Variants in INPP4B observed in about 807,000 individuals in gnomAD.
The protein encoded by INPP4B is inositol polyphosphate 4-phosphatase type II.
In INPP4B, 55 loss-of-function variants were observed where a neutral mutation model predicts 122.5. The ratio of observed to expected loss-of-function variants is 0.45; its 90% CI spans 0.36 to 0.56. INPP4B has a LOEUF of 0.56. Ranked by LOEUF, INPP4B falls within the 20% of genes least tolerant of loss-of-function variation. INPP4B has a pLI of 0.00. For missense variants in INPP4B, 1,000 were observed against 1,097.7 expected, an observed-to-expected ratio of 0.91 and a Z score of 1.26; for synonymous variants, 403 against 388.7, an observed-to-expected ratio of 1.04 and a Z score of -0.43.
chr4:142,270,719 C>T lies in INPP4B; in HGVS notation c.559G>A (p.Gly187Arg), dbSNP rs1259775184. 1.2e-6 allele frequency: 2 copies of T among 1,613,922 alleles called. No individual in the cohort carries two copies. The highest frequency in any genetic ancestry group is 1.3e-5 in the African/African-American group (1 of 74,898). ...GTIEVSVVKM[G>R]EIEDGEADHI... ...TCGGCTTCCCCATCCTCAATCTCCCCCATCTTCACGACACTGACTTCTATG... is the reference window on the plus strand; with the variant it reads ...TCGGCTTCCCCATCCTCAATCTCCCTCATCTTCACGACACTGACTTCTATG... The change falls in exon 10 of 26, where the codon GGG becomes AGG. Residue 187 changes from glycine (G) to arginine (R), a missense_variant. By Grantham distance (125) the Gly-to-Arg change is moderately radical. Transcript: ENST00000262992.
At chr4:142,687,391 T>C (rs1293005084) in intron 2 of INPP4B, among the ~76,000 whole-genome samples, 2 of 151,948 alleles carry the variant, frequency 1.3e-5, no homozygotes, top group African/African-American at 4.8e-5. Flanking sequence ...GGTAACTAAA[T>C]AAGGGTCTGG....
intron 2 of INPP4B, among the ~76,000 whole-genome samples, chr4:142,634,003 C>T (rs994343707): frequency 6.6e-6 from 1 of 151,232 alleles, no homozygotes; most frequent in Non-Finnish European, 1.5e-5. Flanking sequence ...TCCAGCCTGA[C>T]CAACAGAGTA....
At chr4:142,069,656 A>G (rs1223199064) in intron 25 of INPP4B, among the ~76,000 whole-genome samples, 1 of 152,208 alleles carries the variant, frequency 6.6e-6, no homozygotes, top group African/African-American at 2.4e-5. Flanking sequence ...AGGGGATATC[A>G]ACACCTATCC....
intron 2 of INPP4B, among the ~76,000 whole-genome samples, chr4:142,463,744 G>A (rs1262824038): frequency 6.6e-6 from 1 of 151,988 alleles, no homozygotes; most frequent in Admixed American, 6.6e-5. Context: ...AAGATCTTAT[G>A]GTTTTATAAG....
chr4:142,520,544 ATT>A (rs1825952495), intron 2 of INPP4B, among the ~76,000 whole-genome samples: 1 of 151,960 alleles, frequency 6.6e-6, no homozygotes, highest in South Asian at 2.1e-4. Flanking sequence ...TATTTACTTT[ATT>A]TATTATTGTA....
chr4:142,259,882 T>C (rs1000155771), intron 11 of INPP4B, among the ~76,000 whole-genome samples: 4 of 152,302 alleles, frequency 2.6e-5, no homozygotes, highest in African/African-American at 9.6e-5. Flanking sequence ...AAGATGTTAC[T>C]AGGCAATAGA....
chr4:142,750,109 C>T (rs1162887987), intron 1 of INPP4B, among the ~76,000 whole-genome samples: 1 of 151,896 alleles, frequency 6.6e-6, no homozygotes, highest in East Asian at 1.9e-4. Context: ...GAAGCACAAT[C>T]ATTAGACACA....
Position 142,828,445 on chromosome 4 carries a change from T to C in INPP4B, c.-254+17764A>G, listed in dbSNP as rs74330143. On this transcript the variant is annotated intron_variant, in intron 1 of 25. Transcript: ENST00000262992. ...CTGAGAATGAAAAAAATTGATTACC[T>C]TATCTAAAATACTGTACATATAATC... is the stretch of plus-strand genomic sequence containing the variant. 9.6e-3 allele frequency among the ~76,000 whole-genome samples: 1,457 copies of C among 152,244 alleles called. 18 individuals are homozygous for C. Among genetic ancestry groups the C allele is most frequent in the African/African-American group, 0.033 (1,357 of 41,548 alleles).
chr4:142,421,266 C>T (rs1806823835), intron 5 of INPP4B, among the ~76,000 whole-genome samples: 2 of 152,062 alleles, frequency 1.3e-5, no homozygotes, highest in Non-Finnish European at 2.9e-5. Flanking sequence ...CTCAAAAGTA[C>T]TGCTAGTTAT....
At chr4:142,395,090 A>G (rs1798940586) in intron 7 of INPP4B, among the ~76,000 whole-genome samples, 1 of 152,370 alleles carries the variant, frequency 6.6e-6, no homozygotes, top group African/African-American at 2.4e-5. Flanking sequence ...CAAAACAAAA[A>G]AGCAAACAAA....
intron 2 of INPP4B, among the ~76,000 whole-genome samples, chr4:142,471,666 A>C (rs1452990409): frequency 6.6e-6 from 1 of 152,188 alleles, no homozygotes; most frequent in African/African-American, 2.4e-5. Flanking sequence ...CAGCATCAGC[A>C]GTGTAGGCAG....
At chr4:142,638,215 A>G (rs1355895362) in intron 2 of INPP4B, among the ~76,000 whole-genome samples, 1 of 152,140 alleles carries the variant, frequency 6.6e-6, no homozygotes, top group Non-Finnish European at 1.5e-5. Context: ...CCAGCTTACC[A>G]ATTATTTCTT....
intron 2 of INPP4B, among the ~76,000 whole-genome samples, chr4:142,688,775 T>G (rs1349129749): frequency 6.6e-6 from 1 of 152,220 alleles, no homozygotes; most frequent in African/African-American, 2.4e-5. Flanking sequence ...TTAGGACTCA[T>G]GCAGCTGGAG....
rs549442829 is a variant in INPP4B at position 142,096,435 on chromosome 4, T to C, written c.2375-10179A>G. ...GTCTGGTTGGCCAAGCAGGTGGACC[T>C]TTGTATATGTATATGTGTGTCTACC... is the stretch of plus-strand genomic sequence containing the variant. On this transcript the variant is annotated intron_variant, in intron 23 of 25. Coordinates refer to ENST00000262992, the MANE Select transcript of INPP4B (RefSeq NM_001101669.3). Among the ~76,000 whole-genome samples, 15 of 152,292 alleles carry C rather than the reference T, an allele frequency of 9.8e-5. No homozygotes were observed. In the East Asian group the frequency reaches 1.7e-3, roughly 18 times the overall value.
chr4:142,237,210 G>A (rs896497591), intron 12 of INPP4B, among the ~76,000 whole-genome samples: 1 of 152,092 alleles, frequency 6.6e-6, no homozygotes, highest in Non-Finnish European at 1.5e-5. Flanking sequence ...CGCTACAAAT[G>A]AGAAGTCCAA....
intron 2 of INPP4B, among the ~76,000 whole-genome samples, chr4:142,573,389 C>G (rs1033972965): frequency 6.6e-5 from 10 of 152,054 alleles, no homozygotes; most frequent in Admixed American, 3.9e-4. Context: ...GACCCACAAC[C>G]ATTTAGGTCT....
chr4:142,331,506 A>T (rs1464213706), intron 7 of INPP4B, among the ~76,000 whole-genome samples: 1 of 152,186 alleles, frequency 6.6e-6, no homozygotes, highest in Non-Finnish European at 1.5e-5. Flanking sequence ...TAGTATGAAA[A>T]TACAATCATC....
At chr4:142,294,343 TGGAAAGACAGTCATTGGTCACA>T (rs1188765075) in intron 9 of INPP4B, among the ~76,000 whole-genome samples, 2 of 151,886 alleles carry the variant, frequency 1.3e-5, no homozygotes, top group Non-Finnish European at 2.9e-5. Context: ...CTTCTGATGA[TGGAAAGACAGTCATTGGTCACA>T]GGAAATTGAG....
intron 2 of INPP4B, among the ~76,000 whole-genome samples, chr4:142,479,566 C>T (rs1460502550): frequency 6.6e-6 from 1 of 151,924 alleles, no homozygotes; most frequent in African/African-American, 2.4e-5. Flanking sequence ...AACCTAAATC[C>T]CCATCAACAG....
Sources: gnomAD v4.1 joint callset for allele counts (sites outside exome capture counted in the v4.1 genomes callset) on GRCh38, gnomAD v4.1.1 for gene constraint, MANE v1.5 for transcripts, NCBI Gene and HGNC (gene_info 2026-07-23, HGNC 2026-07-21) for gene names.